The following TCF7L1 variants were observed in gnomAD, a reference collection of about 807,000 sequenced individuals.
TCF7L1 encodes the protein transcription factor 7-like 1.
A neutral mutation model predicts 63.7 loss-of-function variants in TCF7L1; 18 were observed. That is an observed-to-expected ratio of 0.28 (90% CI 0.20 to 0.42). The LOEUF (loss-of-function observed/expected upper bound fraction) is 0.42. Among genes scored for constraint, TCF7L1 ranks in the 10% least tolerant of loss-of-function variants. The pLI, the probability that TCF7L1 is intolerant of heterozygous loss-of-function variation, is 1.00. For missense variants in TCF7L1, 654 were observed against 779.3 expected (o/e 0.84, Z 1.91); for synonymous variants, 355 against 340.9 (o/e 1.04, Z -0.46).
chr2:85,167,365 A>G (rs1315759770), intron 3 of TCF7L1: 2 of 152,266 alleles, frequency 1.3e-5, no homozygotes, highest in Non-Finnish European at 2.9e-5. Context: ...TAAAAATTAA[A>G]GAATTATATG....
At chr2:85,233,925 C>T (rs1282905645) in intron 3 of TCF7L1, 2 of 152,080 alleles carry the variant, frequency 1.3e-5, no homozygotes, top group African/African-American at 2.4e-5. Flanking sequence ...AGCGGTTTTC[C>T]GTTGTATGGA....
At chr2:85,249,928 G>A (rs974646272) in intron 3 of TCF7L1, among the ~76,000 whole-genome samples, 2 of 152,208 alleles carry the variant, frequency 1.3e-5, no homozygotes, top group African/African-American at 4.8e-5. Flanking sequence ...TTGTTCTGAG[G>A]ATTAAGTGAG....
At chr2:85,298,481 C>CAA (rs775849544) in intron 4 of TCF7L1, among the ~76,000 whole-genome samples, 7,567 of 70,894 alleles carry the variant, frequency 0.11, 456 homozygotes, top group South Asian at 0.2. Flanking sequence ...GACTCTGTCT[C>CAA]AAAAAAAAAA....
intron 3 of TCF7L1, among the ~76,000 whole-genome samples, chr2:85,147,254 G>A (rs1677900692): frequency 6.6e-6 from 1 of 152,186 alleles, no homozygotes; most frequent in Non-Finnish European, 1.5e-5. Flanking sequence ...GGTTGCAGCA[G>A]GTCCTTATTC....
At chr2:85,239,247 C>T (rs1398117222) in intron 3 of TCF7L1, among the ~76,000 whole-genome samples, 1 of 152,134 alleles carries the variant, frequency 6.6e-6, no homozygotes, top group East Asian at 1.9e-4. Context: ...TCCCTGTATG[C>T]TCCTTCCTAT....
At chr2:85,189,346 C>T (rs1678997613) in intron 3 of TCF7L1, among the ~76,000 whole-genome samples, 1 of 152,174 alleles carries the variant, frequency 6.6e-6, no homozygotes, top group African/African-American at 2.4e-5. Flanking sequence ...AGTCTGTGTC[C>T]TTAAAGATCA....
Position 85,305,245 on chromosome 2 carries a change from C to G in TCF7L1, c.846-15C>G. The G allele has an allele frequency of 6.2e-7, 1 of 1,614,110 alleles. No individual in the cohort carries two copies. Among genetic ancestry groups the G allele is most frequent in the Admixed American group, 1.7e-5 (1 of 60,014 alleles). ...TGAACCCCTCTGTTGCCATTTGTTT[C>G]TATCCGGTGCACAGCCTGGTCTCCA... On this transcript the variant is annotated splice_polypyrimidine_tract_variant and intron_variant, in intron 7 of 11. Transcript: ENST00000282111.
intron 3 of TCF7L1, among the ~76,000 whole-genome samples, chr2:85,198,625 C>T (rs750566938): frequency 2.0e-5 from 3 of 152,172 alleles, no homozygotes; most frequent in East Asian, 1.9e-4. Context: ...TGACCAACTT[C>T]GGCAGCTTTG....
intron 3 of TCF7L1, among the ~76,000 whole-genome samples, chr2:85,264,076 T>C (rs1434419219): frequency 6.6e-6 from 1 of 152,142 alleles, no homozygotes; most frequent in Non-Finnish European, 1.5e-5. Flanking sequence ...TGTAAAGAGC[T>C]TGTAAGGGAG....
chr2:85,270,251 T>C (rs1393098049), intron 3 of TCF7L1, among the ~76,000 whole-genome samples: 1 of 152,242 alleles, frequency 6.6e-6, no homozygotes, highest in African/African-American at 2.4e-5. Context: ...CAGCTTCTCC[T>C]CCCATAGGGG....
chr2:85,138,417 C>A (rs1677645872), intron 3 of TCF7L1, among the ~76,000 whole-genome samples: 1 of 152,088 alleles, frequency 6.6e-6, no homozygotes, highest in Non-Finnish European at 1.5e-5. Context: ...CTAAGGAAAC[C>A]TTTTCTTTTG....
intron 3 of TCF7L1, among the ~76,000 whole-genome samples, chr2:85,219,902 C>G (rs1371576171): frequency 2.0e-5 from 3 of 152,054 alleles, no homozygotes; most frequent in African/African-American, 7.2e-5. Context: ...AACTGACTTT[C>G]AAATGGTTCT....
chr2:85,153,340 A>ATATTTTTTTTTTTTTTTT (rs750002994), intron 3 of TCF7L1, among the ~76,000 whole-genome samples: 2 of 102,308 alleles, frequency 2.0e-5, no homozygotes, highest in African/African-American at 8.4e-5. Context: ...GCCTTTATAA[A>ATATTTTTTTTTTTTTTTT]TTTTTTTTTT....
chr2:85,162,572 T>C (rs2104222517), intron 3 of TCF7L1, among the ~76,000 whole-genome samples: 1 of 152,344 alleles, frequency 6.6e-6, no homozygotes, highest in African/African-American at 2.4e-5. Flanking sequence ...TAGTCCATCA[T>C]GGGTCAAACC....
intron 3 of TCF7L1, among the ~76,000 whole-genome samples, chr2:85,259,012 A>ACCC (rs1680791223): frequency 6.6e-6 from 1 of 151,758 alleles, no homozygotes; most frequent in South Asian, 2.1e-4. Flanking sequence ...ACTCTGTAAT[A>ACCC]CCCCCACACT....
intron 3 of TCF7L1, among the ~76,000 whole-genome samples, chr2:85,171,033 A>T (rs574951164): frequency 6.6e-6 from 1 of 152,020 alleles, no homozygotes; most frequent in African/African-American, 2.4e-5. Context: ...TGGGTAATTT[A>T]TAAAGAAAAA....
At chr2:85,291,121 T>C (rs936446313) in intron 4 of TCF7L1, among the ~76,000 whole-genome samples, 1 of 152,240 alleles carries the variant, frequency 6.6e-6, no homozygotes, top group Non-Finnish European at 1.5e-5. Context: ...GTTGAATCCA[T>C]GCTTCACAGC....
At chr2:85,152,516 C>T (rs1391212646) in intron 3 of TCF7L1, among the ~76,000 whole-genome samples, 1 of 147,996 alleles carries the variant, frequency 6.8e-6, no homozygotes, top group Non-Finnish European at 1.5e-5. Flanking sequence ...CTCACTGCAA[C>T]CCCAGCCTCC....
At chr2:85,149,221 T>C (rs1215796590) in intron 3 of TCF7L1, among the ~76,000 whole-genome samples, 2 of 152,102 alleles carry the variant, frequency 1.3e-5, no homozygotes, top group East Asian at 3.9e-4. Flanking sequence ...CAAATTACTT[T>C]AACATAATTG....
Sources: gnomAD v4.1 joint callset for allele counts (sites outside exome capture counted in the v4.1 genomes callset) on GRCh38, gnomAD v4.1.1 for gene constraint, MANE v1.5 for transcripts, NCBI Gene and HGNC (gene_info 2026-07-23, HGNC 2026-07-21) for gene names.